ITGB6: variants seen among roughly 807,000 people sequenced by gnomAD.
ITGB6 encodes the protein integrin subunit beta 6.
Under a neutral mutation model 84.5 loss-of-function variants are expected in ITGB6, and 80 were observed. The ratio of observed to expected loss-of-function variants is 0.95; its 90% confidence interval spans 0.79 to 1.14. The LOEUF (loss-of-function observed/expected upper bound fraction) is 1.14, where lower values mean the gene tolerates loss of function less well. Among genes scored for constraint, ITGB6 ranks in the 50% most tolerant of loss-of-function variants. The probability of loss-of-function intolerance (pLI) is 0.00; values close to 1 mark genes in which losing one functional copy is unlikely to be tolerated. For synonymous variants in ITGB6, 383 were observed against 354.9 expected (o/e 1.08, Z -0.89); for missense variants, 1,006 against 968.0 (o/e 1.04, Z -0.52).
At chr2:160,104,124 T>C (rs1401757288) in intron 14 of ITGB6, among the ~76,000 whole-genome samples, 1 of 152,142 alleles carries the variant, frequency 6.6e-6, no homozygotes, top group Non-Finnish European at 1.5e-5. Flanking sequence ...GCAATACTGG[T>C]TTAGGGCCAA....
At chr2:160,195,026 G>A (rs562317262) in intron 4 of ITGB6, among the ~76,000 whole-genome samples, 1 of 152,334 alleles carries the variant, frequency 6.6e-6, no homozygotes, top group South Asian at 2.1e-4. Context: ...TGGCCACTGA[G>A]GCTAGAAAGT....
At chr2:160,125,223 A>G (rs13394453) in intron 11 of ITGB6, among the ~76,000 whole-genome samples, 18,126 of 152,194 alleles carry the variant, frequency 0.12, 2,030 homozygotes, top group East Asian at 0.29. Context: ...TTCTTGGCAT[A>G]TAGTAGGCAC....
chr2:160,147,085 G>GAAA (rs36051022), intron 7 of ITGB6, among the ~76,000 whole-genome samples: 3 of 41,536 alleles, frequency 7.2e-5, no homozygotes, highest in South Asian at 6.9e-4. Context: ...CCTTGCCTCA[G>GAAA]AAAAAAAAAA....
At chr2:160,101,936 G>T in intron 14 of ITGB6, 102 bp from the exon 15 acceptor site, 2 of 674,972 alleles carry the variant, frequency 3.0e-6, no homozygotes, top group South Asian at 3.5e-5. Context: ...GCTCAGTCTT[G>T]GAAACCATTA....
intron 6 of ITGB6, among the ~76,000 whole-genome samples, 187 bp downstream of exon 6, chr2:160,172,382 G>A (rs538198430): frequency 1.8e-4 from 28 of 152,290 alleles, no homozygotes; most frequent in Middle Eastern, 3.4e-3. Flanking sequence ...ATGTCCCACC[G>A]TCCACCTATG....
In ITGB6 at chr2:160,199,238, C is replaced by T; in HGVS notation, c.82G>A (p.Ala28Thr). The T allele has an allele frequency of 6.2e-7, 1 of 1,614,050 alleles. No individual in the cohort carries two copies. Among genetic ancestry groups the T allele is most frequent in the Non-Finnish European group, 8.5e-7 (1 of 1,179,924 alleles). Residue 28 changes from alanine (A) to threonine (T), a missense_variant, in exon 2 of 15, where the codon GCA becomes ACA. Physicochemically the swap from Ala to Thr is moderately conservative, Grantham distance 58. Coordinates refer to ENST00000283249, the MANE Select transcript of ITGB6 (RefSeq NM_000888.5). ...HVQGGCALGG[A>T]ETCEDCLLIG... ...AGCAGGCAGTCTTCACAGGTTTCTG[C>T]ACCTCCCAGGGCACAGCCACCTAGG...
intron 7 of ITGB6, among the ~76,000 whole-genome samples, chr2:160,145,680 T>C (rs920304301): frequency 6.6e-6 from 1 of 152,148 alleles, no homozygotes; most frequent in African/African-American, 2.4e-5. Context: ...AGCTGTCAGG[T>C]GTGCACTCCT....
At position 160,195,480 on chromosome 2, in the gene ITGB6, T is replaced by G; in HGVS notation, c.482A>C (p.Lys161Thr). The G allele has an allele frequency of 6.2e-7, 1 of 1,614,182 alleles. No individual in the cohort carries two copies. Among genetic ancestry groups the G allele is most frequent in the Non-Finnish European group, 8.5e-7 (1 of 1,180,012 alleles). ...TIKELGSRLS[K>T]EMSKLTSNFR... ...GTTGCTGGTTAATTTAGACATCTCT[T>G]TGGAAAGCCGGGAGCCCAGCTCCTT... is the stretch of plus-strand genomic sequence containing the variant. The change falls in exon 4 of 15, where the codon AAA (lysine) becomes ACA (threonine). Residue 161 changes from lysine (K) to threonine (T), a missense_variant. Coordinates refer to ENST00000283249, the MANE Select transcript of ITGB6 (RefSeq NM_000888.5).
intron 12 of ITGB6, among the ~76,000 whole-genome samples, chr2:160,116,986 C>T (rs1378330889): frequency 1.3e-5 from 2 of 151,482 alleles, no homozygotes; most frequent in African/African-American, 2.4e-5. Context: ...TATATTCACC[C>T]AATACAGGAG....
intron 7 of ITGB6, among the ~76,000 whole-genome samples, chr2:160,163,646 A>AT (rs1401392154): frequency 1.7e-4 from 24 of 143,944 alleles, no homozygotes. Context: ...AAAAAAAAAA[A>AT]GGTGATTATT....
chr2:160,182,029 T>G (rs551085820), intron 4 of ITGB6, among the ~76,000 whole-genome samples: 1 of 152,044 alleles, frequency 6.6e-6, no homozygotes, highest in East Asian at 1.9e-4. Flanking sequence ...TCCACGAAGA[T>G]GAGGAAAAAC....
Position 160,199,168 on chromosome 2 carries a change from A to G in ITGB6, c.141+11T>C. 1.2e-6 allele frequency: 2 copies of G among 1,610,588 alleles called. No individual in the cohort carries two copies. The highest frequency in any genetic ancestry group is 4.5e-5 in the East Asian group (2 of 44,860). ...CAGGTTTTAAAAACACATTGAGGTC[A>G]TTTATTTTACCTCCTGAGCACACCA... On this transcript the variant is annotated intron_variant, in intron 2 of 14. Coordinates refer to ENST00000283249, the MANE Select transcript of ITGB6 (RefSeq NM_000888.5).
At chr2:160,151,392 A>G (rs1684409755) in intron 7 of ITGB6, among the ~76,000 whole-genome samples, 1 of 152,184 alleles carries the variant, frequency 6.6e-6, no homozygotes, top group Non-Finnish European at 1.5e-5. Context: ...GTTCTTTGAA[A>G]CCAATGAGAA....
At chr2:160,161,712 T>C (rs1021702345) in intron 7 of ITGB6, among the ~76,000 whole-genome samples, 1 of 152,192 alleles carries the variant, frequency 6.6e-6, no homozygotes, top group Non-Finnish European at 1.5e-5. Context: ...TTGCAAATAG[T>C]ATATATTAGT....
intron 7 of ITGB6, among the ~76,000 whole-genome samples, chr2:160,156,529 G>A (rs1470037774): frequency 6.6e-6 from 1 of 152,118 alleles, no homozygotes; most frequent in African/African-American, 2.4e-5. Flanking sequence ...TCTACTCAGG[G>A]TTAGTGGGCT....
At chr2:160,141,753 G>A (rs761134603) in intron 8 of ITGB6, among the ~76,000 whole-genome samples, 8 of 151,908 alleles carry the variant, frequency 5.3e-5, no homozygotes, top group South Asian at 2.1e-4. Flanking sequence ...AAACAACCTC[G>A]ACTTTATGAT....
chr2:160,195,397 T>C lies in ITGB6; in HGVS notation c.565A>G (p.Thr189Ala). 2 of 1,614,206 alleles carry C rather than the reference T, an allele frequency of 1.2e-6. No individual in the cohort carries two copies. The highest frequency in any genetic ancestry group is 1.7e-6 in the Non-Finnish European group (2 of 1,180,006). ...EKPVSPFVKT[T>A]PEEIANPCSS... ...CAAGGGTTGGCAATTTCTTCTGGTG[T>C]TGTTTTCACAAAAGGGGATACAGGT... Residue 189 changes from threonine to alanine, a missense_variant, in exon 4 of 15, where the codon ACA becomes GCA. Transcript: ENST00000283249.
intron 4 of ITGB6, among the ~76,000 whole-genome samples, chr2:160,180,842 G>C (rs1685637202): frequency 6.6e-6 from 1 of 152,186 alleles, no homozygotes; most frequent in Non-Finnish European, 1.5e-5. Flanking sequence ...CAAAGGGTGA[G>C]CCGAAGCAGG....
chr2:160,167,994 T>A (rs562941520), intron 7 of ITGB6, among the ~76,000 whole-genome samples: 14 of 142,038 alleles, frequency 9.9e-5, no homozygotes, highest in Admixed American at 8.4e-4. Flanking sequence ...TTTAAAAAAG[T>A]CTCAACTGCA....
Sources: allele counts gnomAD v4.1 joint callset (sites outside exome capture counted in the v4.1 genomes callset), GRCh38; gene constraint gnomAD v4.1.1; transcripts MANE v1.5; gene names NCBI Gene and HGNC (gene_info 2026-07-23, HGNC 2026-07-21).